The following FAM241A variants were observed in gnomAD, a reference collection of about 807,000 sequenced individuals.
FAM241A encodes family with sequence similarity 241 member A, also known as uncharacterized protein FAM241A.
Under a neutral mutation model 12.2 loss-of-function variants are expected in FAM241A, and 7 were observed. The ratio of observed to expected loss-of-function variants is 0.58; its 90% CI spans 0.33 to 1.08. FAM241A has a LOEUF of 1.08. FAM241A is among the 50% of genes least tolerant of loss of function. FAM241A has a pLI of 0.04. For missense variants in FAM241A, 161 were observed against 169.7 expected, an observed-to-expected ratio of 0.95 and a Z score of 0.29; for synonymous variants, 74 against 68.2, an observed-to-expected ratio of 1.08 and a Z score of -0.42.
intron 1 of FAM241A, among the ~76,000 whole-genome samples, chr4:112,154,983 A>G (rs1641144299): frequency 6.6e-6 from 1 of 152,110 alleles, no homozygotes; most frequent in African/African-American, 2.4e-5. Flanking sequence ...GCAGTGAGCC[A>G]AGATCGCAAA....
At chr4:112,151,636 A>C (rs1284141398) in intron 1 of FAM241A, among the ~76,000 whole-genome samples, 2 of 152,234 alleles carry the variant, frequency 1.3e-5, no homozygotes, top group Admixed American at 6.5e-5. Flanking sequence ...AGAATAAGCA[A>C]GTCAATATAC....
intron 1 of FAM241A, among the ~76,000 whole-genome samples, chr4:112,181,188 T>TA (rs1380200104): frequency 1.3e-5 from 2 of 152,152 alleles, no homozygotes; most frequent in African/African-American, 4.8e-5. Context: ...AAGGTTCTAA[T>TA]AGGGAAGAGG....
At chr4:112,153,466 ACAGC>A (rs944956902) in intron 1 of FAM241A, among the ~76,000 whole-genome samples, 67 of 152,308 alleles carry the variant, frequency 4.4e-4, no homozygotes, top group African/African-American at 1.6e-3. Flanking sequence ...TCTTCCAGTA[ACAGC>A]CACCTATCTC....
intron 1 of FAM241A, among the ~76,000 whole-genome samples, chr4:112,160,874 A>G (rs1036876568): frequency 6.6e-6 from 1 of 152,188 alleles, no homozygotes; most frequent in African/African-American, 2.4e-5. Flanking sequence ...GAATGAAACT[A>G]CATCCTTATC....
chr4:112,171,406 A>C lies in FAM241A; in HGVS notation c.154-15287A>C, dbSNP rs1723717023. On this transcript the variant is annotated intron_variant, in intron 1 of 1. Coordinates refer to ENST00000309733, the MANE Select transcript of FAM241A (RefSeq NM_152400.3). The stretch of plus-strand genomic sequence containing the variant: ...TTCTGGAAATAAAACTACAAAGATG[A>C]TTGTGCTAAGGCTTGAGTGTGTTGA... The C allele has an allele frequency of 2.3e-5, 18 of 769,082 alleles. No individual in the cohort carries two copies. The South Asian group carries it at 2.4e-4, about 10-fold the overall frequency. 47.6% of individuals were successfully genotyped at this position (769,082 alleles called of 1,614,324 possible).
At chr4:112,154,195 T>A (rs771051373) in intron 1 of FAM241A, among the ~76,000 whole-genome samples, 1 of 152,184 alleles carries the variant, frequency 6.6e-6, no homozygotes, top group Non-Finnish European at 1.5e-5. Flanking sequence ...AGAAGGAAAG[T>A]CATTTTTCAG....
chr4:112,182,314 G>C (rs1474670719), intron 1 of FAM241A, among the ~76,000 whole-genome samples: 1 of 152,130 alleles, frequency 6.6e-6, no homozygotes, highest in Non-Finnish European at 1.5e-5. Context: ...CCTTTTGATA[G>C]CTGCATGAGA....
At position 112,193,148 on chromosome 4, in the gene FAM241A, T is replaced by C. The variant is rs1336455826; in HGVS notation, c.*6210T>C. On this transcript the variant is annotated 3_prime_UTR_variant, in exon 2 of 2. Transcript: ENST00000309733. ...TTTTTGGCTGCATAAATGTCTTCTT[T>C]TGAGAAGTGTCTGTTCATGTCCTTT... is the stretch of plus-strand genomic sequence containing the variant. 1 of 151,618 alleles carries C rather than the reference T, an allele frequency of 6.6e-6. No individual in the cohort carries two copies. The highest frequency in any genetic ancestry group is 1.5e-5 in the Non-Finnish European group (1 of 67,816). 9.4% of individuals were successfully genotyped at this position (151,618 alleles called of 1,614,324 possible).
At chr4:112,165,630 A>T (rs79602898) in intron 1 of FAM241A, among the ~76,000 whole-genome samples, 1 of 152,214 alleles carries the variant, frequency 6.6e-6, no homozygotes, top group East Asian at 1.9e-4. Context: ...GGAGGTCATT[A>T]TGTTAAGTGA....
rs1027039781 is a variant in FAM241A at position 112,187,769 on chromosome 4, T to G, written c.*831T>G. The G allele has an allele frequency of 6.6e-6, 1 of 152,116 alleles. No individual in the cohort carries two copies. The highest frequency in any genetic ancestry group is 2.4e-5 in the African/African-American group (1 of 41,322). 9.4% of individuals were successfully genotyped at this position (152,116 alleles called of 1,614,324 possible). On this transcript the variant is annotated 3_prime_UTR_variant, in exon 2 of 2. Transcript: ENST00000309733. ...TCCTAGAGAGACATTTTCAGTGTAT[T>G]TTTTTTTAGAAATTTATAATTTTAT...
chr4:112,145,736 G>C lies in FAM241A; in HGVS notation c.153+3G>C. Reference sequence around the variant, plus strand: ...AGCGGCCGAAGGAGAGCGAGCAGGTGAGCGCGGGGAGGGGCGGCGGCGAAG... The same window carrying C: ...AGCGGCCGAAGGAGAGCGAGCAGGTCAGCGCGGGGAGGGGCGGCGGCGAAG... On this transcript the variant is annotated splice_donor_region_variant and intron_variant, in intron 1 of 1. Transcript: ENST00000309733. 8.4e-7 allele frequency: 1 copy of C among 1,188,582 alleles called. No homozygotes were observed. The allele number at this position is 1,188,582 out of a possible 1,614,324, so 73.6% of individuals were successfully genotyped here.
intron 1 of FAM241A, among the ~76,000 whole-genome samples, chr4:112,155,731 C>T (rs1365813366): frequency 6.6e-6 from 1 of 151,928 alleles, no homozygotes; most frequent in Non-Finnish European, 1.5e-5. Flanking sequence ...GATTTTTTAC[C>T]TATCAAGTTG....
chr4:112,160,848 A>G (rs1025066636), intron 1 of FAM241A, among the ~76,000 whole-genome samples: 3 of 152,224 alleles, frequency 2.0e-5, no homozygotes, highest in Non-Finnish European at 4.4e-5. Flanking sequence ...GAAAAACTGG[A>G]TATCCATATG....
At chr4:112,158,291 G>A (rs1723393521) in intron 1 of FAM241A, among the ~76,000 whole-genome samples, 1 of 152,044 alleles carries the variant, frequency 6.6e-6, no homozygotes, top group African/African-American at 2.4e-5. Flanking sequence ...TAACAATCTT[G>A]CCATATACTG....
chr4:112,157,159 G>T (rs1321499360), intron 1 of FAM241A, among the ~76,000 whole-genome samples: 1 of 152,086 alleles, frequency 6.6e-6, no homozygotes, highest in Non-Finnish European at 1.5e-5. Flanking sequence ...CCCAGTAAAT[G>T]TTACAACCTA....
At chr4:112,149,046 A>C (rs1314475450) in intron 1 of FAM241A, among the ~76,000 whole-genome samples, 1 of 152,122 alleles carries the variant, frequency 6.6e-6, no homozygotes, top group Admixed American at 6.5e-5. Context: ...CTATAGAAAG[A>C]TCTAAAGAAG....
chr4:112,174,581 C>A (rs1337063804), intron 1 of FAM241A, among the ~76,000 whole-genome samples: 5 of 152,156 alleles, frequency 3.3e-5, no homozygotes, highest in Admixed American at 3.3e-4. Flanking sequence ...TATATCAAAA[C>A]ATATTACTAG....
intron 1 of FAM241A, among the ~76,000 whole-genome samples, chr4:112,167,210 A>G (rs998623342): frequency 6.6e-6 from 1 of 152,134 alleles, no homozygotes; most frequent in African/African-American, 2.4e-5. Context: ...TATAAACTAT[A>G]TAAGTATTAA....
intron 1 of FAM241A, among the ~76,000 whole-genome samples, chr4:112,164,723 C>G (rs1578373492): frequency 6.6e-6 from 1 of 152,044 alleles, no homozygotes; most frequent in East Asian, 1.9e-4. Context: ...GATTAATAAC[C>G]AGAATATATA....
Sources: allele counts gnomAD v4.1 joint callset (sites outside exome capture counted in the v4.1 genomes callset), GRCh38; gene constraint gnomAD v4.1.1; transcripts MANE v1.5; gene names NCBI Gene and HGNC (gene_info 2026-07-23, HGNC 2026-07-21).